Variants in ARHGAP15 observed in about 807,000 individuals in gnomAD.
ARHGAP15 encodes the protein rho GTPase-activating protein 15.
ARHGAP15 carries 51 observed loss-of-function variants against 63.7 expected under a neutral mutation model. The ratio of observed to expected loss-of-function variants is 0.80; its 90% confidence interval spans 0.64 to 1.01. ARHGAP15 has a LOEUF of 1.01. Ranked by LOEUF, ARHGAP15 falls within the 50% of genes least tolerant of loss-of-function variation. The probability of loss-of-function intolerance (pLI) is 0.00; values close to 1 mark genes in which losing one functional copy is unlikely to be tolerated. For synonymous variants in ARHGAP15, 191 were observed against 193.8 expected (o/e 0.99, Z 0.12); for missense variants, 560 against 564.6 (o/e 0.99, Z 0.08).
chr2:143,546,181 T>C (rs1485459878), intron 10 of ARHGAP15, among the ~76,000 whole-genome samples: 1 of 151,956 alleles, frequency 6.6e-6, no homozygotes, highest in Non-Finnish European at 1.5e-5. Context: ...ATCTCAATCA[T>C]CCCAGCCAAT....
chr2:143,235,841 T>G, intron 5 of ARHGAP15: 3 of 1,354,396 alleles, frequency 2.2e-6, no homozygotes, highest in Non-Finnish European at 2.9e-6. Flanking sequence ...CCTTGTATTT[T>G]TCAGGTACAC....
intron 12 of ARHGAP15, among the ~76,000 whole-genome samples, chr2:143,689,889 C>G: frequency 6.6e-6 from 1 of 152,150 alleles, no homozygotes; most frequent in Non-Finnish European, 1.5e-5. Context: ...CTCAGTTATA[C>G]TTCATGGAAA....
chr2:143,328,631 G>A (rs974174420), intron 6 of ARHGAP15, among the ~76,000 whole-genome samples: 2 of 152,128 alleles, frequency 1.3e-5, no homozygotes, highest in South Asian at 2.1e-4. Context: ...AATACCTAAT[G>A]TATGTGACGA....
At chr2:143,714,357 C>T (rs1327592426) in intron 13 of ARHGAP15, among the ~76,000 whole-genome samples, 4 of 152,208 alleles carry the variant, frequency 2.6e-5, no homozygotes, top group African/African-American at 9.6e-5. Flanking sequence ...GCACAGGGAC[C>T]CTGGGCCCAG....
At chr2:143,158,022 C>T (rs1690150250) in intron 2 of ARHGAP15, among the ~76,000 whole-genome samples, 1 of 151,884 alleles carries the variant, frequency 6.6e-6, no homozygotes, top group South Asian at 2.1e-4. Context: ...TGTCATGCAT[C>T]CTACTTAATA....
chr2:143,243,582 G>C (rs1693945463), intron 5 of ARHGAP15, among the ~76,000 whole-genome samples: 1 of 152,066 alleles, frequency 6.6e-6, no homozygotes, highest in Admixed American at 6.6e-5. Flanking sequence ...GCATCATGCT[G>C]TTCATTAGCA....
intron 10 of ARHGAP15, among the ~76,000 whole-genome samples, chr2:143,532,551 G>A (rs1381703596): frequency 6.6e-6 from 1 of 152,082 alleles, no homozygotes; most frequent in Non-Finnish European, 1.5e-5. Flanking sequence ...ACATAAAGGG[G>A]AAAGTTATTA....
At position 143,667,138 on chromosome 2, in the gene ARHGAP15, T is replaced by C. The variant is rs1433523832; in HGVS notation, c.1139-36281T>C. On this transcript the variant is annotated intron_variant, in intron 12 of 13. Coordinates refer to ENST00000295095, the MANE Select transcript of ARHGAP15 (RefSeq NM_018460.4). The stretch of plus-strand genomic sequence containing the variant: ...ATGCACACGTATGTTTATTGTGGCA[T>C]TATTCACAATAGCAAAGACTTGGAA... Among the ~76,000 whole-genome samples the C allele has an allele frequency of 8.6e-5, 13 of 150,710 alleles. No homozygotes were observed. The South Asian group carries it at 1.9e-3, about 22-fold the overall frequency.
chr2:143,429,488 C>T (rs1689290479), intron 6 of ARHGAP15, among the ~76,000 whole-genome samples: 1 of 152,010 alleles, frequency 6.6e-6, no homozygotes, highest in African/African-American at 2.4e-5. Context: ...CTGTCATGTA[C>T]GTAACCCGAC....
At position 143,179,450 on chromosome 2, in the gene ARHGAP15, T is replaced by C. The variant is rs562744414; in HGVS notation, c.166-22684T>C. Among the ~76,000 whole-genome samples the C allele has an allele frequency of 3.9e-5, 6 of 152,362 alleles. No individual in the cohort carries two copies. In the South Asian group the frequency reaches 1.2e-3, roughly 32 times the overall value. On this transcript the variant is annotated intron_variant, in intron 2 of 13. Transcript: ENST00000295095. Reference sequence around the variant, plus strand: ...AATCTGTGCAAGCAAACTTCAGATATATTGCAGGTTTGGTTCCAGACTACC... The same window carrying C: ...AATCTGTGCAAGCAAACTTCAGATACATTGCAGGTTTGGTTCCAGACTACC...
intron 6 of ARHGAP15, among the ~76,000 whole-genome samples, chr2:143,254,897 T>C (rs1680343072): frequency 1.3e-5 from 2 of 151,610 alleles, no homozygotes; most frequent in Admixed American, 1.3e-4. Context: ...GTATCCACAA[T>C]ATAGGCCCTG....
intron 6 of ARHGAP15, among the ~76,000 whole-genome samples, chr2:143,335,848 T>C (rs1232055746): frequency 6.6e-6 from 1 of 152,078 alleles, no homozygotes; most frequent in African/African-American, 2.4e-5. Context: ...GAAGGGATTA[T>C]TCAGGCAGAG....
intron 1 of ARHGAP15, among the ~76,000 whole-genome samples, chr2:143,131,294 A>G (rs548927518): frequency 2.3e-3 from 347 of 152,356 alleles, no homozygotes; most frequent in Non-Finnish European, 3.9e-3. Flanking sequence ...TTAATTGCAA[A>G]TAAGTTACTA....
At chr2:143,180,238 T>C (rs1474442333) in intron 2 of ARHGAP15, among the ~76,000 whole-genome samples, 1 of 152,258 alleles carries the variant, frequency 6.6e-6, no homozygotes, top group East Asian at 1.9e-4. Context: ...AAACTGAGTT[T>C]ATGGAATATT....
intron 6 of ARHGAP15, among the ~76,000 whole-genome samples, chr2:143,318,832 T>C (rs989748345): frequency 6.6e-6 from 1 of 152,154 alleles, no homozygotes; most frequent in African/African-American, 2.4e-5. Context: ...ACAACATTAA[T>C]GCTCAATAAC....
intron 9 of ARHGAP15, among the ~76,000 whole-genome samples, chr2:143,505,267 C>T (rs993335825): frequency 6.6e-6 from 1 of 152,118 alleles, no homozygotes; most frequent in African/African-American, 2.4e-5. Context: ...TCTCTAAGTC[C>T]CCTCCCTCCA....
At chr2:143,439,735 C>A (rs1689794872) in intron 8 of ARHGAP15, among the ~76,000 whole-genome samples, 2 of 151,824 alleles carry the variant, frequency 1.3e-5, no homozygotes, top group Non-Finnish European at 1.5e-5. Context: ...TGTTTCAAAC[C>A]CAAGCAGTCT....
intron 11 of ARHGAP15, among the ~76,000 whole-genome samples, chr2:143,556,948 T>C (rs1695829263): frequency 6.6e-6 from 1 of 152,058 alleles, no homozygotes; most frequent in South Asian, 2.1e-4. Flanking sequence ...ATTAAAACAA[T>C]GAGATACCAC....
intron 8 of ARHGAP15, among the ~76,000 whole-genome samples, chr2:143,485,182 G>A (rs1012528621): frequency 1.9e-4 from 29 of 152,036 alleles, no homozygotes; most frequent in East Asian, 5.8e-4. Context: ...CTATCAACCC[G>A]TCATCTAGGT....
Sources: gnomAD v4.1 joint callset for allele counts (sites outside exome capture counted in the v4.1 genomes callset) on GRCh38, gnomAD v4.1.1 for gene constraint, MANE v1.5 for transcripts, NCBI Gene and HGNC (gene_info 2026-07-23, HGNC 2026-07-21) for gene names.